The following PPARGC1A variants were observed in gnomAD, a reference collection of about 807,000 sequenced individuals.
PPARGC1A encodes the protein PPARG coactivator 1 alpha.
Under a neutral mutation model 88.7 loss-of-function variants are expected in PPARGC1A, and 25 were observed. That is an observed-to-expected ratio of 0.28 (90% CI 0.21 to 0.39). The LOEUF (loss-of-function observed/expected upper bound fraction) is 0.39. Ranked by LOEUF, PPARGC1A falls within the 10% of genes least tolerant of loss-of-function variation. PPARGC1A has a pLI of 1.00. For missense variants in PPARGC1A, 880 were observed against 968.7 expected (o/e 0.91, Z 1.22); for synonymous variants, 363 against 355.6 (o/e 1.02, Z -0.24).
the PPARGC1A span, among the ~76,000 whole-genome samples, chr4:24,446,374 T>A: frequency 6.6e-6 from 1 of 152,176 alleles, no homozygotes; most frequent in African/African-American, 2.4e-5. Context: ...TTTGTGTGTC[T>A]TCTTCGGAGA....
intron 1 of PPARGC1A, among the ~76,000 whole-genome samples, chr4:23,887,417 C>A (rs1717099074): frequency 6.6e-6 from 1 of 152,200 alleles, no homozygotes. Flanking sequence ...TGTAACTGTC[C>A]TCATCTGACA....
chr4:23,910,349 T>A, the PPARGC1A span, among the ~76,000 whole-genome samples: 6 of 60,078 alleles, frequency 1.0e-4, no homozygotes, highest in South Asian at 1.0e-3. Flanking sequence ...TATTATATAT[T>A]ATATATATTA....
chr4:24,178,552 T>C, the PPARGC1A span, among the ~76,000 whole-genome samples: 16 of 152,188 alleles, frequency 1.1e-4, no homozygotes, highest in Non-Finnish European at 1.8e-4. Context: ...GCCCTCTTAC[T>C]TGAAGCAGTT....
chr4:24,356,470 C>G, the PPARGC1A span, among the ~76,000 whole-genome samples: 2 of 152,186 alleles, frequency 1.3e-5, no homozygotes, highest in African/African-American at 4.8e-5. Context: ...AAATTACAGG[C>G]TGTATACTCA....
the PPARGC1A span, among the ~76,000 whole-genome samples, chr4:24,314,652 G>C: frequency 6.6e-6 from 1 of 152,148 alleles, no homozygotes; most frequent in South Asian, 2.1e-4. Flanking sequence ...TGTTAACAAT[G>C]ATCAATTCTG....
intron 1 of PPARGC1A, among the ~76,000 whole-genome samples, chr4:23,887,762 G>A (rs1191746100): frequency 1.3e-5 from 2 of 152,104 alleles, no homozygotes; most frequent in Admixed American, 6.6e-5. Flanking sequence ...AAGAGAGAGA[G>A]AGAAGAAGGA....
At chr4:24,088,098 C>T in the PPARGC1A span, among the ~76,000 whole-genome samples, 1 of 152,066 alleles carries the variant, frequency 6.6e-6, no homozygotes, top group African/African-American at 2.4e-5. Context: ...CCTGTAATCC[C>T]AGCATTTTGG....
chr4:24,379,689 C>A, the PPARGC1A span, among the ~76,000 whole-genome samples: 2 of 151,732 alleles, frequency 1.3e-5, no homozygotes, highest in Non-Finnish European at 2.9e-5. Flanking sequence ...AAATAATTAT[C>A]TATAAACATT....
chr4:23,972,919 C>T, the PPARGC1A span, among the ~76,000 whole-genome samples: 4 of 152,272 alleles, frequency 2.6e-5, no homozygotes, highest in East Asian at 3.9e-4. Flanking sequence ...TCTCAGACTT[C>T]GACCTGTGAC....
At chr4:24,020,668 G>A in the PPARGC1A span, among the ~76,000 whole-genome samples, 1 of 152,200 alleles carries the variant, frequency 6.6e-6, no homozygotes, top group East Asian at 1.9e-4. Flanking sequence ...GTCCTGGGGA[G>A]TGGGGAGTGG....
At chr4:24,223,829 T>A in the PPARGC1A span, among the ~76,000 whole-genome samples, 3 of 152,324 alleles carry the variant, frequency 2.0e-5, no homozygotes, top group East Asian at 5.8e-4. Flanking sequence ...TATAGACAAA[T>A]TCAGTTTGAT....
chr4:23,829,368 C>T, intron 4 of PPARGC1A, 95 bp downstream of exon 4: 2 of 1,361,142 alleles, frequency 1.5e-6, no homozygotes, highest in South Asian at 1.4e-5. Flanking sequence ...TTCGGGGTCC[C>T]AGCTGAATTA....
intron 2 of PPARGC1A, among the ~76,000 whole-genome samples, chr4:23,841,826 C>T (rs1727094308): frequency 6.6e-6 from 1 of 152,070 alleles, no homozygotes; most frequent in African/African-American, 2.4e-5. Flanking sequence ...ATAAATATTA[C>T]TTTAATAAAT....
the PPARGC1A span, among the ~76,000 whole-genome samples, chr4:24,347,579 G>A: frequency 6.6e-6 from 1 of 152,054 alleles, no homozygotes; most frequent in Admixed American, 6.5e-5. Flanking sequence ...AGCTACCCCT[G>A]CTCGCTTTTG....
chr4:24,427,737 T>C, the PPARGC1A span, among the ~76,000 whole-genome samples: 2 of 151,992 alleles, frequency 1.3e-5, no homozygotes, highest in East Asian at 3.9e-4. Flanking sequence ...TAACTGGAGG[T>C]GTGGCAGGAG....
the PPARGC1A span, among the ~76,000 whole-genome samples, chr4:24,083,103 A>G: frequency 2.0e-5 from 3 of 152,144 alleles, no homozygotes; most frequent in East Asian, 1.9e-4. Context: ...TTGAGCACAC[A>G]TGACTTGAGC....
At chr4:24,166,868 AT>A in the PPARGC1A span, among the ~76,000 whole-genome samples, 2 of 152,224 alleles carry the variant, frequency 1.3e-5, no homozygotes, top group African/African-American at 4.8e-5. Flanking sequence ...AAGAGCCCTG[AT>A]ATAAATATAC....
the PPARGC1A span, among the ~76,000 whole-genome samples, chr4:24,214,539 G>T: frequency 3.9e-5 from 6 of 152,208 alleles, no homozygotes; most frequent in African/African-American, 1.4e-4. Context: ...ACTGCCACGT[G>T]AGAGACAAGA....
the PPARGC1A span, among the ~76,000 whole-genome samples, chr4:24,216,529 T>C: frequency 6.6e-6 from 1 of 152,180 alleles, no homozygotes; most frequent in Non-Finnish European, 1.5e-5. Flanking sequence ...GAGGAGATAA[T>C]GAGGTTCTTT....
Sources: allele counts gnomAD v4.1 joint callset (sites outside exome capture counted in the v4.1 genomes callset), GRCh38; gene constraint gnomAD v4.1.1; transcripts MANE v1.5; gene names NCBI Gene and HGNC (gene_info 2026-07-23, HGNC 2026-07-21).